Variants in SUZ12 observed in about 807,000 individuals in gnomAD.
SUZ12 encodes the protein polycomb protein SUZ12.
In SUZ12, 17 loss-of-function variants were observed where a neutral mutation model predicts 87.3. That is an observed-to-expected ratio of 0.19 (90% CI 0.13 to 0.29). SUZ12 has a LOEUF of 0.29. SUZ12 is among the 10% of genes least tolerant of loss of function. SUZ12 has a pLI of 1.00. For missense variants in SUZ12, 526 were observed against 912.2 expected, an observed-to-expected ratio of 0.58 and a Z score of 5.45; for synonymous variants, 253 against 312.4, an observed-to-expected ratio of 0.81 and a Z score of 2.01.
At chr17:31,995,496 C>A in intron 13 of SUZ12, 68 bp from the exon 14 acceptor site, 1 of 1,293,024 alleles carries the variant, frequency 7.7e-7, no homozygotes, top group Non-Finnish European at 1.1e-6. Context: ...CAGATCTCAA[C>A]TCCTAGTCGT....
Position 31,993,881 on chromosome 17 carries a change from A to G in SUZ12, c.1310A>G (p.Asn437Ser). ...RIFYQFLYNN[N>S]TRQQTEARDD... ...TGTTTTTAGTTTCTCTATAACAACAATACAAGGCAACAAACTGAAGCAAGA... is the reference window on the plus strand; with the variant it reads ...TGTTTTTAGTTTCTCTATAACAACAGTACAAGGCAACAAACTGAAGCAAGA... Residue 437 changes from asparagine to serine, a missense_variant, in exon 12 of 16, where the codon AAT becomes AGT. By Grantham distance (46) the Asn-to-Ser change is conservative. Around this residue, in one of 9 missense-constraint regions of SUZ12, gnomAD observed 143 missense variants for 321.6 expected, o/e 0.44. Transcript: ENST00000322652. 6.2e-7 allele frequency: 1 copy of G among 1,612,282 alleles called. No individual in the cohort carries two copies. The highest frequency in any genetic ancestry group is 8.5e-7 in the Non-Finnish European group (1 of 1,179,492).
chr17:31,985,656 T>G lies in SUZ12; in HGVS notation c.1023+2552T>G, dbSNP rs1331409665. ...TTTGTTGTTGTTGGTTTTGTTTTTGTTTTTTTTTTGTTTGTTTTGTTTTTG... is the reference window on the plus strand; with the variant it reads ...TTTGTTGTTGTTGGTTTTGTTTTTGGTTTTTTTTTGTTTGTTTTGTTTTTG... On this transcript the variant is annotated intron_variant, in intron 9 of 15. Coordinates refer to ENST00000322652, the MANE Select transcript of SUZ12 (RefSeq NM_015355.4). Among the ~76,000 whole-genome samples, 6 of 147,508 alleles carry G rather than the reference T, an allele frequency of 4.1e-5. No homozygotes were observed. In the East Asian group the frequency reaches 1.2e-3, roughly 29 times the overall value.
intron 9 of SUZ12, among the ~76,000 whole-genome samples, chr17:31,984,878 G>A (rs549886612): frequency 6.6e-6 from 1 of 152,270 alleles, no homozygotes; most frequent in Admixed American, 6.5e-5. Context: ...AGTTGGGGCC[G>A]GGCTCAGTGG....
chr17:31,966,785 A>G (rs1237492122), intron 5 of SUZ12: 4 of 152,248 alleles, frequency 2.6e-5, no homozygotes, highest in African/African-American at 9.6e-5. Flanking sequence ...ACTATTACCA[A>G]TGGCATATAT....
At position 31,995,710 on chromosome 17, in the gene SUZ12, T is replaced by C; in HGVS notation, c.1742T>C (p.Val581Ala). 6.2e-7 allele frequency: 1 copy of C among 1,613,968 alleles called. No homozygotes were observed. Among genetic ancestry groups the C allele is most frequent in the Non-Finnish European group, 8.5e-7 (1 of 1,179,958 alleles). The change falls in exon 14 of 16, where the codon GTA (valine) becomes GCA (alanine). Residue 581 changes from valine (V) to alanine (A), a missense_variant. Physicochemically the swap from Val to Ala is moderately conservative, Grantham distance 64. Around this residue, in one of 9 missense-constraint regions of SUZ12, gnomAD observed 143 missense variants for 321.6 expected, o/e 0.44. Transcript: ENST00000322652. ...CCTCTCCGTCCACAAGAAATGGAAGTAGATAGTGAAGATGAAAAGGATCCT... is the reference window on the plus strand; with the variant it reads ...CCTCTCCGTCCACAAGAAATGGAAGCAGATAGTGAAGATGAAAAGGATCCT... ...CLPLRPQEMEVDSEDEKDPEW... is the reference protein window; with the variant it reads ...CLPLRPQEMEADSEDEKDPEW...
At chr17:31,986,631 A>G (rs1208306425) in intron 9 of SUZ12, among the ~76,000 whole-genome samples, 1 of 152,112 alleles carries the variant, frequency 6.6e-6, no homozygotes, top group East Asian at 1.9e-4. Context: ...GGCTCACTGC[A>G]ACCTCTGCCT....
chr17:31,988,191 A>G (rs1909514246), intron 9 of SUZ12, 129 bp from the exon 10 acceptor site: 1 of 866,144 alleles, frequency 1.2e-6, no homozygotes, highest in Non-Finnish European at 1.7e-6. Context: ...CTCAGTCAGC[A>G]TTTGGATTTT....
intron 8 of SUZ12, among the ~76,000 whole-genome samples, chr17:31,981,863 T>C (rs1172779548): frequency 6.6e-6 from 1 of 152,222 alleles, no homozygotes; most frequent in Non-Finnish European, 1.5e-5. Context: ...CATAGCATTG[T>C]TGGGAAGATT....
chr17:31,961,850 T>G (rs1389154660), intron 4 of SUZ12, among the ~76,000 whole-genome samples: 2 of 152,322 alleles, frequency 1.3e-5, no homozygotes, highest in Non-Finnish European at 2.9e-5. Context: ...AGAAAAGTAA[T>G]GTAAATAATA....
At position 31,937,064 on chromosome 17, in the gene SUZ12, C is replaced by T. The variant is rs1905964488; in HGVS notation, c.-183C>T. 3 of 502,068 alleles carry T rather than the reference C, an allele frequency of 6.0e-6. No homozygotes were observed. The highest frequency in any genetic ancestry group is 2.0e-5 in the African/African-American group (1 of 49,588). 31.1% of individuals were successfully genotyped at this position (502,068 alleles called of 1,614,324 possible). A position where few individuals can be genotyped will look rare whatever the true frequency, so the allele number is the denominator to read the frequency against. On this transcript the variant is annotated 5_prime_UTR_variant, in exon 1 of 16. Coordinates refer to ENST00000322652, the MANE Select transcript of SUZ12 (RefSeq NM_015355.4). ...GAAGCGGAGCGGGGCTCTGAGGAGA[C>T]ACTTTTTTTTTCCTCCCTCCTTCCC...
intron 11 of SUZ12, 146 bp from the exon 12 acceptor site, chr17:31,993,719 G>A (rs966359096): frequency 1.1e-5 from 9 of 856,256 alleles, no homozygotes; most frequent in South Asian, 3.8e-5. Flanking sequence ...GTGACCTCGC[G>A]TCACTGGGCA....
At chr17:31,988,277 C>T in intron 9 of SUZ12, 43 bp from the exon 10 acceptor site, 1 of 1,475,408 alleles carries the variant, frequency 6.8e-7, no homozygotes, top group African/African-American at 1.4e-5. Context: ...TATTTGAATT[C>T]ATTATCTGAG....
chr17:31,942,673 A>G (rs1906377671), intron 3 of SUZ12, among the ~76,000 whole-genome samples: 1 of 152,146 alleles, frequency 6.6e-6, no homozygotes, highest in African/African-American at 2.4e-5. Flanking sequence ...ACACTTTTGA[A>G]ATCAATAGGA....
At chr17:31,953,217 A>C (rs1856857475) in intron 4 of SUZ12, among the ~76,000 whole-genome samples, 1 of 151,510 alleles carries the variant, frequency 6.6e-6, no homozygotes, top group African/African-American at 2.4e-5. Flanking sequence ...GCAATTCTCG[A>C]GCCTCAGCTT....
chr17:31,957,034 C>G (rs1464350173), intron 4 of SUZ12, among the ~76,000 whole-genome samples: 1 of 152,192 alleles, frequency 6.6e-6, no homozygotes, highest in Non-Finnish European at 1.5e-5. Context: ...CCTCGGCCTC[C>G]CAAAGTGCTG....
chr17:31,946,461 G>A (rs1367473851), intron 3 of SUZ12, among the ~76,000 whole-genome samples: 3 of 152,178 alleles, frequency 2.0e-5, no homozygotes, highest in Non-Finnish European at 4.4e-5. Flanking sequence ...GAACCCGGGA[G>A]GTGGAGGTTG....
intron 8 of SUZ12, among the ~76,000 whole-genome samples, chr17:31,981,867 G>A (rs1909130038): frequency 6.6e-6 from 1 of 152,174 alleles, no homozygotes; most frequent in Non-Finnish European, 1.5e-5. Context: ...GCATTGTTGG[G>A]AAGATTAAAT....
intron 4 of SUZ12, among the ~76,000 whole-genome samples, chr17:31,965,033 A>G (rs1310200321): frequency 6.6e-6 from 1 of 152,120 alleles, no homozygotes; most frequent in East Asian, 1.9e-4. Flanking sequence ...CAACCTCTTC[A>G]TAATATGTCC....
chr17:31,976,669 T>C (rs1361193274), intron 8 of SUZ12, 55 bp downstream of exon 8: 7 of 1,267,602 alleles, frequency 5.5e-6, no homozygotes, highest in African/African-American at 1.5e-5. Context: ...GTTTTCATTC[T>C]GAAGCAGAAT....
Sources: allele counts gnomAD v4.1 joint callset (sites outside exome capture counted in the v4.1 genomes callset), GRCh38; gene constraint gnomAD v4.1.1; regional missense constraint gnomAD v4.1.1; transcripts MANE v1.5; gene names NCBI Gene and HGNC (gene_info 2026-07-23, HGNC 2026-07-21).